MAF: variants seen among roughly 807,000 people sequenced by gnomAD.
The protein encoded by MAF is transcription factor Maf.
A neutral mutation model predicts 22.0 loss-of-function variants in MAF; 10 were observed. The ratio of observed to expected loss-of-function variants is 0.45; its 90% CI spans 0.28 to 0.77. MAF has a LOEUF of 0.77. MAF is among the 30% of genes least tolerant of loss of function. The pLI, the probability that MAF is intolerant of heterozygous loss-of-function variation, is 0.12. For missense variants in MAF, 544 were observed against 548.4 expected, an observed-to-expected ratio of 0.99 and a Z score of 0.08; for synonymous variants, 337 against 255.8, an observed-to-expected ratio of 1.32 and a Z score of -3.03.
the MAF span, among the ~76,000 whole-genome samples, chr16:79,451,237 G>C: frequency 2.0e-5 from 3 of 152,202 alleles, no homozygotes; most frequent in Non-Finnish European, 4.4e-5. Context: ...AACTGGAAAA[G>C]GGTTAGCTAA....
the MAF span, chr16:79,212,779 C>T: frequency 6.6e-6 from 1 of 152,070 alleles, no homozygotes; most frequent in Non-Finnish European, 1.5e-5. Context: ...TAAAGCGCTT[C>T]TCGTAGATGC....
chr16:79,497,251 GA>G, the MAF span, among the ~76,000 whole-genome samples: 1 of 151,952 alleles, frequency 6.6e-6, no homozygotes, highest in East Asian at 1.9e-4. Context: ...TAATACAGAA[GA>G]AAAAAAGGCT....
the MAF span, among the ~76,000 whole-genome samples, chr16:79,211,056 T>C: frequency 1.5e-4 from 23 of 150,314 alleles, no homozygotes; most frequent in East Asian, 2.0e-4. Flanking sequence ...TGTGTGTGTG[T>C]GCATTAAATG....
At chr16:79,418,292 A>G in the MAF span, among the ~76,000 whole-genome samples, 8 of 152,184 alleles carry the variant, frequency 5.3e-5, no homozygotes, top group Admixed American at 5.2e-4. Context: ...TTATCTGGGG[A>G]CAGTTTTCGG....
the MAF span, among the ~76,000 whole-genome samples, chr16:79,570,428 C>T: frequency 6.6e-6 from 1 of 152,168 alleles, no homozygotes; most frequent in Non-Finnish European, 1.5e-5. Flanking sequence ...AGCATCCTAT[C>T]ACTTCTTCCT....
the MAF span, among the ~76,000 whole-genome samples, chr16:79,369,676 T>C: frequency 6.6e-6 from 1 of 152,242 alleles, no homozygotes; most frequent in African/African-American, 2.4e-5. Flanking sequence ...AACATTTGTA[T>C]AAGGATTCAC....
At chr16:79,539,515 AAAC>A in the MAF span, among the ~76,000 whole-genome samples, 5 of 152,192 alleles carry the variant, frequency 3.3e-5, no homozygotes, top group African/African-American at 1.2e-4. Context: ...AAACAAAACA[AAAC>A]AAAAGAGAAA....
the MAF span, among the ~76,000 whole-genome samples, chr16:79,569,524 A>C: frequency 1.6e-4 from 25 of 152,130 alleles, no homozygotes; most frequent in Non-Finnish European, 5.9e-5. Flanking sequence ...TATCACCTGG[A>C]AACAGGTTTG....
the MAF span, among the ~76,000 whole-genome samples, chr16:79,455,096 T>TAA: frequency 7.3e-6 from 1 of 136,998 alleles, no homozygotes; most frequent in African/African-American, 2.7e-5. Flanking sequence ...AACTCCGTCT[T>TAA]AAAAAAAAAA....
the MAF span, among the ~76,000 whole-genome samples, chr16:79,363,693 G>C: frequency 1.3e-5 from 2 of 152,278 alleles, no homozygotes; most frequent in African/African-American, 4.8e-5. Flanking sequence ...GTTCCTGAAA[G>C]CATAAAGGAA....
At chr16:79,518,446 T>C in the MAF span, among the ~76,000 whole-genome samples, 716 of 152,298 alleles carry the variant, frequency 4.7e-3, 7 homozygotes, top group African/African-American at 0.017. Context: ...TGGGGAATCC[T>C]GAAAACCACT....
chr16:79,341,665 G>T, the MAF span, among the ~76,000 whole-genome samples: 7 of 152,168 alleles, frequency 4.6e-5, no homozygotes, highest in Admixed American at 3.9e-4. Context: ...GTAGAGCAGC[G>T]TCATGACTTT....
At chr16:79,537,506 G>A in the MAF span, among the ~76,000 whole-genome samples, 1 of 152,178 alleles carries the variant, frequency 6.6e-6, no homozygotes, top group African/African-American at 2.4e-5. Context: ...AGTTCGTGCG[G>A]CTGAGTCTTC....
chr16:79,232,992 C>T, the MAF span, among the ~76,000 whole-genome samples: 2 of 151,768 alleles, frequency 1.3e-5, no homozygotes, highest in East Asian at 3.9e-4. Flanking sequence ...GGGCGCCCGC[C>T]TCCATGCACG....
the MAF span, among the ~76,000 whole-genome samples, chr16:79,348,113 G>A: frequency 1.3e-5 from 2 of 152,214 alleles, no homozygotes; most frequent in African/African-American, 2.4e-5. Flanking sequence ...AATAAACCCT[G>A]TCAGAAAATG....
the MAF span, chr16:79,212,019 T>C: frequency 6.5e-7 from 1 of 1,536,238 alleles, no homozygotes; most frequent in Admixed American, 2.0e-5. Context: ...CATAGGTCTC[T>C]TTGCTTTCTG....
chr16:79,447,161 G>C, the MAF span, among the ~76,000 whole-genome samples: 2 of 152,130 alleles, frequency 1.3e-5, no homozygotes, highest in African/African-American at 4.8e-5. Context: ...ATGACTTTAA[G>C]TTGAAGCCAA....
the MAF span, among the ~76,000 whole-genome samples, chr16:79,334,193 C>T: frequency 0.012 from 1,762 of 152,288 alleles, 24 homozygotes; most frequent in African/African-American, 0.039. Context: ...AGAAGACAAC[C>T]CAAGTGTCTG....
intron 1 of MAF, chr16:79,597,546 A>G: frequency 4.9e-6 from 5 of 1,022,794 alleles, no homozygotes; most frequent in Non-Finnish European, 5.9e-6. Flanking sequence ...CCATTCTGGT[A>G]TCTTTGACAA....
Sources: allele counts gnomAD v4.1 joint callset (sites outside exome capture counted in the v4.1 genomes callset), GRCh38; gene constraint gnomAD v4.1.1; transcripts MANE v1.5; gene names NCBI Gene and HGNC (gene_info 2026-07-23, HGNC 2026-07-21).